The following WDR7 variants were observed in gnomAD, a reference collection of about 807,000 sequenced individuals.
WDR7 encodes WD repeat domain 7, also known as WD repeat-containing protein 7.
Under a neutral mutation model 169.4 loss-of-function variants are expected in WDR7, and 46 were observed. The ratio of observed to expected loss-of-function variants is 0.27; its 90% CI spans 0.21 to 0.35. The LOEUF is 0.35. Among genes scored for constraint, WDR7 ranks in the 10% least tolerant of loss-of-function variants. The pLI is 1.00. For synonymous variants in WDR7, 612 were observed against 666.8 expected (o/e 0.92, Z 1.27); for missense variants, 1,534 against 1,859.3 (o/e 0.83, Z 3.22).
intron 16 of WDR7, among the ~76,000 whole-genome samples, chr18:56,765,984 AC>A (rs1309733205): frequency 1.3e-5 from 2 of 150,112 alleles, no homozygotes; most frequent in Admixed American, 1.3e-4. Context: ...AAGTTTTTGT[AC>A]ATTTGAAAAC....
At chr18:56,876,622 C>T (rs1207135578) in intron 20 of WDR7, among the ~76,000 whole-genome samples, 2 of 151,870 alleles carry the variant, frequency 1.3e-5, no homozygotes, top group Non-Finnish European at 2.9e-5. Flanking sequence ...CCTGAAAGGA[C>T]ATTGAAAAGA....
intron 3 of WDR7, among the ~76,000 whole-genome samples, chr18:56,679,944 T>A (rs2025320738): frequency 6.6e-6 from 1 of 152,236 alleles, no homozygotes; most frequent in Non-Finnish European, 1.5e-5. Context: ...GAGCCCAATG[T>A]TATTAAATGT....
intron 14 of WDR7, among the ~76,000 whole-genome samples, chr18:56,736,647 G>A (rs2026704840): frequency 2.0e-5 from 3 of 151,858 alleles, no homozygotes; most frequent in African/African-American, 7.3e-5. Flanking sequence ...GAATTGGGGT[G>A]TGTAGGTTTA....
intron 19 of WDR7, among the ~76,000 whole-genome samples, chr18:56,802,834 C>T (rs74428388): frequency 0.046 from 6,907 of 151,684 alleles, 231 homozygotes; most frequent in Non-Finnish European, 0.065. Context: ...ATTAGTTTTT[C>T]TTTTATGACT....
intron 12 of WDR7, among the ~76,000 whole-genome samples, 181 bp from the exon 13 acceptor site, chr18:56,717,783 G>A (rs955062278): frequency 6.6e-6 from 1 of 152,076 alleles, no homozygotes; most frequent in African/African-American, 2.4e-5. Flanking sequence ...AAAATATTTT[G>A]ATGATTGATC....
intron 26 of WDR7, among the ~76,000 whole-genome samples, chr18:56,968,351 G>T (rs2047440602): frequency 6.6e-6 from 1 of 152,098 alleles, no homozygotes; most frequent in South Asian, 2.1e-4. Flanking sequence ...ATATGACATG[G>T]TAAACCAAAA....
intron 27 of WDR7, among the ~76,000 whole-genome samples, chr18:57,026,183 A>G (rs1257964733): frequency 6.6e-6 from 1 of 152,250 alleles, no homozygotes; most frequent in African/African-American, 2.4e-5. Flanking sequence ...AGTATTTAGT[A>G]CTTCAACCTG....
chr18:57,030,650 A>G (rs1160934853), downstream of WDR7: 1 of 152,176 alleles, frequency 6.6e-6, no homozygotes, highest in African/African-American at 2.4e-5. Flanking sequence ...AATACTTTGG[A>G]GCCAGGAGGG....
intron 26 of WDR7, among the ~76,000 whole-genome samples, chr18:56,983,854 A>C (rs2047678273): frequency 6.6e-6 from 1 of 152,200 alleles, no homozygotes; most frequent in South Asian, 2.1e-4. Flanking sequence ...AATACAATTA[A>C]AATGCTATAA....
At chr18:56,700,588 G>C (rs1260482646) in intron 12 of WDR7, among the ~76,000 whole-genome samples, 1 of 67,490 alleles carries the variant, frequency 1.5e-5, no homozygotes, top group Non-Finnish European at 2.8e-5. Flanking sequence ...TTTTTTTTTT[G>C]AGACGGAGTC....
intron 19 of WDR7, among the ~76,000 whole-genome samples, chr18:56,788,463 A>G (rs1319800349): frequency 6.6e-6 from 1 of 152,076 alleles, no homozygotes; most frequent in Non-Finnish European, 1.5e-5. Context: ...AGGGGTGTGG[A>G]TGCCAGGCAA....
At chr18:56,656,932 A>G (rs750674901) in intron 1 of WDR7, among the ~76,000 whole-genome samples, 3 of 152,172 alleles carry the variant, frequency 2.0e-5, no homozygotes, top group Non-Finnish European at 2.9e-5. Context: ...TGTGAATGGT[A>G]TACTATTTTT....
rs2025710502 is a variant in WDR7 at position 56,696,637 on chromosome 18, A to G, written c.1578+175A>G. 3 of 580,782 alleles carry G rather than the reference A, an allele frequency of 5.2e-6. No homozygotes were observed. The South Asian group carries it at 7.7e-5, about 15-fold the overall frequency. 36.0% of individuals were successfully genotyped at this position (580,782 alleles called of 1,614,324 possible). A position where few individuals can be genotyped will look rare whatever the true frequency, so the allele number is the denominator to read the frequency against. On this transcript the variant is annotated intron_variant, in intron 12 of 27. Transcript: ENST00000254442. ...ACATTTAGGCAAAGTTACGGCCACT[A>G]ACTATTGGGGCACATAGAAACAGAA...
At chr18:56,803,226 G>T (rs1187677066) in intron 19 of WDR7, among the ~76,000 whole-genome samples, 1 of 152,080 alleles carries the variant, frequency 6.6e-6, no homozygotes, top group Admixed American at 6.6e-5. Context: ...TAAGTTATTG[G>T]AATATCCAAA....
intron 20 of WDR7, among the ~76,000 whole-genome samples, chr18:56,867,102 G>A (rs2145429519): frequency 6.6e-6 from 1 of 152,188 alleles, no homozygotes; most frequent in East Asian, 1.9e-4. Flanking sequence ...ACAGCTCACT[G>A]CAACCTCCGC....
intron 13 of WDR7, among the ~76,000 whole-genome samples, chr18:56,725,827 T>G (rs1176115995): frequency 6.6e-6 from 1 of 152,204 alleles, no homozygotes; most frequent in African/African-American, 2.4e-5. Flanking sequence ...GAATTAATTT[T>G]TGTATAAGGT....
intron 21 of WDR7, among the ~76,000 whole-genome samples, chr18:56,899,229 A>G (rs2046369935): frequency 6.6e-6 from 1 of 152,046 alleles, no homozygotes; most frequent in Non-Finnish European, 1.5e-5. Context: ...GATTTTTAGC[A>G]TATATCATTG....
chr18:56,779,684 G>T, intron 18 of WDR7, 135 bp downstream of exon 18: 2 of 693,380 alleles, frequency 2.9e-6, no homozygotes, highest in Non-Finnish European at 2.3e-6. Context: ...GTGGATTCAT[G>T]ATTTATGTTT....
chr18:56,658,002 G>T (rs887633572), intron 1 of WDR7, among the ~76,000 whole-genome samples: 6 of 152,054 alleles, frequency 3.9e-5, no homozygotes, highest in Non-Finnish European at 8.8e-5. Context: ...CGAATGTTAG[G>T]GCACTGGTCA....
Sources: gnomAD v4.1 joint callset for allele counts (sites outside exome capture counted in the v4.1 genomes callset) on GRCh38, gnomAD v4.1.1 for gene constraint, MANE v1.5 for transcripts, NCBI Gene and HGNC (gene_info 2026-07-23, HGNC 2026-07-21) for gene names.